CNTNAP5: variants seen among roughly 807,000 people sequenced by gnomAD.
The protein encoded by CNTNAP5 is contactin associated protein family member 5.
Under a neutral mutation model 150.2 loss-of-function variants are expected in CNTNAP5, and 72 were observed. The observed-to-expected ratio is 0.48, with a 90% CI of 0.40 to 0.58. The LOEUF is 0.58. CNTNAP5 is among the 20% of genes least tolerant of loss of function. CNTNAP5 has a pLI of 0.00. For missense variants in CNTNAP5, 1,636 were observed against 1,626.2 expected (o/e 1.01, Z -0.10); for synonymous variants, 672 against 619.8 (o/e 1.08, Z -1.25).
intron 13 of CNTNAP5, among the ~76,000 whole-genome samples, chr2:124,680,035 C>T (rs1454977309): frequency 1.3e-5 from 2 of 151,730 alleles, no homozygotes; most frequent in Admixed American, 1.3e-4. Flanking sequence ...CCCTGTTTTC[C>T]ACCTTTGTTT....
chr2:124,489,050 C>T (rs1340450864), intron 7 of CNTNAP5, among the ~76,000 whole-genome samples: 1 of 152,204 alleles, frequency 6.6e-6, no homozygotes, highest in East Asian at 1.9e-4. Context: ...CTAGTGGAAT[C>T]CATTGTTTAA....
chr2:124,451,051 A>AAAAATATATATAT (rs1360743225), intron 6 of CNTNAP5, among the ~76,000 whole-genome samples: 1 of 65,290 alleles, frequency 1.5e-5, no homozygotes, highest in African/African-American at 7.2e-5. Flanking sequence ...AAAAAAAAAA[A>AAAAATATATATAT]ATATATATAT....
At chr2:124,551,407 T>C (rs1175166069) in intron 10 of CNTNAP5, among the ~76,000 whole-genome samples, 2 of 152,122 alleles carry the variant, frequency 1.3e-5, no homozygotes, top group African/African-American at 4.8e-5. Context: ...ATGATAATTG[T>C]TAGAATGGAA....
chr2:124,567,259 G>A (rs147965955), intron 11 of CNTNAP5, among the ~76,000 whole-genome samples: 4 of 152,122 alleles, frequency 2.6e-5, no homozygotes, highest in South Asian at 4.1e-4. Context: ...TTCCCAAAGC[G>A]TGTAGACACA....
At chr2:124,819,188 G>T (rs1267078337) in intron 19 of CNTNAP5, among the ~76,000 whole-genome samples, 1 of 152,034 alleles carries the variant, frequency 6.6e-6, no homozygotes, top group African/African-American at 2.4e-5. Context: ...TTATTTGTTT[G>T]TTGCCTGTCA....
intron 1 of CNTNAP5, among the ~76,000 whole-genome samples, chr2:124,032,413 A>G (rs1393479801): frequency 6.6e-6 from 1 of 152,100 alleles, no homozygotes; most frequent in Non-Finnish European, 1.5e-5. Flanking sequence ...TTATAGTCAG[A>G]TTTTTTTGCT....
chr2:124,415,771 TATACGACAACGTG>T (rs1444116262), intron 3 of CNTNAP5, among the ~76,000 whole-genome samples: 1 of 152,218 alleles, frequency 6.6e-6, no homozygotes, highest in African/African-American at 2.4e-5. Flanking sequence ...TGGTGATGGT[TATACGACAACGTG>T]AATATGCTTA....
chr2:124,846,096 TAG>T (rs1442054135), intron 19 of CNTNAP5, among the ~76,000 whole-genome samples: 1 of 152,136 alleles, frequency 6.6e-6, no homozygotes, highest in Non-Finnish European at 1.5e-5. Flanking sequence ...GGTGTGACCT[TAG>T]ATTGCCTATT....
At chr2:124,678,484 C>A (rs1678993946) in intron 13 of CNTNAP5, among the ~76,000 whole-genome samples, 3 of 151,708 alleles carry the variant, frequency 2.0e-5, no homozygotes, top group Non-Finnish European at 4.4e-5. Flanking sequence ...GAGAGCATTC[C>A]TTTTCTGCTC....
intron 21 of CNTNAP5, among the ~76,000 whole-genome samples, chr2:124,892,036 G>C (rs1178871072): frequency 6.6e-6 from 1 of 152,092 alleles, no homozygotes; most frequent in Non-Finnish European, 1.5e-5. Context: ...AGTCTATGGA[G>C]AGGGAAGTAT....
intron 3 of CNTNAP5, among the ~76,000 whole-genome samples, chr2:124,321,504 G>A (rs1278254786): frequency 1.3e-5 from 2 of 151,784 alleles, no homozygotes; most frequent in African/African-American, 4.8e-5. Flanking sequence ...CTTTTGCCTT[G>A]TGTTTTCATC....
chr2:124,392,554 G>T (rs1430258), intron 3 of CNTNAP5, among the ~76,000 whole-genome samples: 15,796 of 152,036 alleles, frequency 0.1, 1,190 homozygotes, highest in African/African-American at 0.22. Flanking sequence ...AAGCCATATT[G>T]AAATTTATTC....
intron 13 of CNTNAP5, among the ~76,000 whole-genome samples, chr2:124,656,981 G>A (rs1340480095): frequency 6.6e-6 from 1 of 152,214 alleles, no homozygotes; most frequent in Non-Finnish European, 1.5e-5. Context: ...TCTTATGTGT[G>A]ACATTTAATG....
intron 14 of CNTNAP5, among the ~76,000 whole-genome samples, chr2:124,754,065 T>C (rs1444194762): frequency 6.6e-6 from 1 of 152,150 alleles, no homozygotes. Flanking sequence ...CGAATTTTGC[T>C]GTTTCCTCAC....
At position 124,611,454 on chromosome 2, in the gene CNTNAP5, A is replaced by G. The variant is rs542571393; in HGVS notation, c.1876+1534A>G. Reference sequence around the variant, plus strand: ...TTCTTTATCTCTCCAAAATGGTTGTATGATAGCTGCTTTTCAAAAGCCCTG... The same window carrying G: ...TTCTTTATCTCTCCAAAATGGTTGTGTGATAGCTGCTTTTCAAAAGCCCTG... On this transcript the variant is annotated intron_variant, in intron 12 of 23. Coordinates refer to ENST00000682447, the MANE Select transcript of CNTNAP5 (RefSeq NM_001367498.1). Among the ~76,000 whole-genome samples the G allele has an allele frequency of 3.3e-5, 5 of 152,336 alleles. No homozygotes were observed. In the East Asian group the frequency reaches 9.6e-4, roughly 29 times the overall value.
At chr2:124,194,990 A>G (rs996654978) in intron 1 of CNTNAP5, among the ~76,000 whole-genome samples, 1 of 152,078 alleles carries the variant, frequency 6.6e-6, no homozygotes, top group Non-Finnish European at 1.5e-5. Context: ...AACTAAATGG[A>G]AAACTACACC....
At chr2:124,664,360 AGT>A (rs1479273846) in intron 13 of CNTNAP5, among the ~76,000 whole-genome samples, 1 of 151,900 alleles carries the variant, frequency 6.6e-6, no homozygotes, top group African/African-American at 2.4e-5. Context: ...AAAAAGCTTA[AGT>A]GTGGTGCAAT....
chr2:124,354,183 G>C (rs945592906), intron 3 of CNTNAP5, among the ~76,000 whole-genome samples: 4 of 152,084 alleles, frequency 2.6e-5, no homozygotes, highest in African/African-American at 9.7e-5. Flanking sequence ...AAATGACCAG[G>C]TAAAAATTAT....
chr2:124,728,831 G>T (rs972744289), intron 13 of CNTNAP5, among the ~76,000 whole-genome samples: 2 of 151,986 alleles, frequency 1.3e-5, no homozygotes, highest in Admixed American at 1.3e-4. Context: ...ATTTGAATGA[G>T]TCTTCATAAT....
Sources: allele counts gnomAD v4.1 joint callset (sites outside exome capture counted in the v4.1 genomes callset), GRCh38; gene constraint gnomAD v4.1.1; transcripts MANE v1.5; gene names NCBI Gene and HGNC (gene_info 2026-07-23, HGNC 2026-07-21).